The following PTPRM variants were observed in gnomAD, a reference collection of about 807,000 sequenced individuals.
PTPRM encodes receptor-type tyrosine-protein phosphatase mu.
In PTPRM, 47 loss-of-function variants were observed where a neutral mutation model predicts 186.7. That is an observed-to-expected ratio of 0.25 (90% confidence interval 0.20 to 0.32). The LOEUF (loss-of-function observed/expected upper bound fraction) is 0.32, where lower values mean the gene tolerates loss of function less well. PTPRM is among the 10% of genes least tolerant of loss of function. PTPRM has a pLI of 1.00. For synonymous variants in PTPRM, 668 were observed against 674.9 expected (o/e 0.99, Z 0.16); for missense variants, 1,494 against 1,865.0 (o/e 0.80, Z 3.66).
In PTPRM at chr18:8,357,085, C is replaced by T. The variant is rs77156319; in HGVS notation, c.3054+13565C>T. ...TCTGAATACCACCAACAGCAGAAAACGATTGAGTGTGGATTGTTAAAGGGG... is the reference window on the plus strand; with the variant it reads ...TCTGAATACCACCAACAGCAGAAAATGATTGAGTGTGGATTGTTAAAGGGG... On this transcript the variant is annotated intron_variant, in intron 23 of 32. Transcript: ENST00000580170. Among the ~76,000 whole-genome samples, 640 of 152,252 alleles carry T rather than the reference C, an allele frequency of 4.2e-3. 2 individuals carry two copies. Among genetic ancestry groups the T allele is most frequent in the African/African-American group, 0.014 (592 of 41,522 alleles).
intron 23 of PTPRM, among the ~76,000 whole-genome samples, chr18:8,366,625 A>G (rs903362101): frequency 2.0e-5 from 3 of 152,204 alleles, no homozygotes; most frequent in South Asian, 2.1e-4. Flanking sequence ...TCCTGGAGTT[A>G]TAGCGTTTCT....
chr18:8,379,374 T>G, intron 28 of PTPRM, 34 bp downstream of exon 28: 1 of 1,551,356 alleles, frequency 6.4e-7, no homozygotes, highest in Non-Finnish European at 8.7e-7. Context: ...GGTCCGAGGC[T>G]GGGGTGTTTG....
intron 7 of PTPRM, among the ~76,000 whole-genome samples, chr18:8,011,226 C>A (rs2084507668): frequency 6.6e-6 from 1 of 152,108 alleles, no homozygotes. Flanking sequence ...AAGGTATACT[C>A]AGGTTAGAGG....
rs553021673 is a variant in PTPRM, at chr18:8,172,168, A to G, written c.2300+28389A>G. On this transcript the variant is annotated intron_variant, in intron 14 of 32. Transcript: ENST00000580170. ...AGAGGTTTAATGGACTCACAGTTCT[A>G]CGTGGCTGGGGAGGCCTCACAATTA... is the stretch of plus-strand genomic sequence containing the variant. Among the ~76,000 whole-genome samples the G allele has an allele frequency of 2.0e-5, 3 of 152,206 alleles. No homozygotes were observed. In the South Asian group the frequency reaches 6.2e-4, roughly 32 times the overall value.
intron 3 of PTPRM, among the ~76,000 whole-genome samples, chr18:7,906,300 C>T (rs2049979075): frequency 6.6e-6 from 1 of 152,162 alleles, no homozygotes; most frequent in Admixed American, 6.5e-5. Context: ...AACGCATTCA[C>T]TACCTATTGA....
At chr18:7,992,254 T>C (rs2083304592) in intron 7 of PTPRM, among the ~76,000 whole-genome samples, 1 of 152,162 alleles carries the variant, frequency 6.6e-6, no homozygotes, top group Non-Finnish European at 1.5e-5. Context: ...TGTAATTTTT[T>C]TTTGAACTAT....
intron 2 of PTPRM, among the ~76,000 whole-genome samples, chr18:7,792,440 C>G (rs28580069): frequency 6.6e-6 from 1 of 152,032 alleles, no homozygotes; most frequent in African/African-American, 2.4e-5. Flanking sequence ...TATTCAGTGC[C>G]GGGTGGTTTT....
intron 19 of PTPRM, among the ~76,000 whole-genome samples, chr18:8,260,031 C>T (rs1190465502): frequency 1.3e-5 from 2 of 152,060 alleles, no homozygotes; most frequent in East Asian, 3.9e-4. Flanking sequence ...ATACCTGGGG[C>T]TCGGTCATTT....
chr18:8,280,494 C>A (rs988511443), intron 19 of PTPRM, among the ~76,000 whole-genome samples: 1 of 152,030 alleles, frequency 6.6e-6, no homozygotes, highest in African/African-American at 2.4e-5. Flanking sequence ...CAATTTGAGA[C>A]CCGACCAAGG....
chr18:8,017,582 CAAAA>C (rs71354586), intron 7 of PTPRM, among the ~76,000 whole-genome samples: 34 of 64,714 alleles, frequency 5.3e-4, no homozygotes, highest in African/African-American at 1.8e-3. Flanking sequence ...GACTCCTTCT[CAAAA>C]AAAAAAAAAA....
At chr18:8,384,487 A>T (rs1017703225) in intron 29 of PTPRM, 74 bp from the exon 30 acceptor site, 2 of 1,552,076 alleles carry the variant, frequency 1.3e-6, no homozygotes, top group African/African-American at 2.7e-5. Flanking sequence ...GAGTGTCAAT[A>T]CTAACCTTAT....
intron 1 of PTPRM, among the ~76,000 whole-genome samples, chr18:7,728,952 TTC>T (rs1336669408): frequency 6.6e-6 from 1 of 151,388 alleles, no homozygotes; most frequent in Non-Finnish European, 1.5e-5. Flanking sequence ...GAGATGCAGT[TTC>T]TCTCTATTGT....
intron 1 of PTPRM, among the ~76,000 whole-genome samples, chr18:7,726,072 C>T (rs1166338459): frequency 2.6e-5 from 4 of 152,166 alleles, no homozygotes; most frequent in Non-Finnish European, 5.9e-5. Flanking sequence ...CCAGCTCCTG[C>T]ACCTGTTCAC....
chr18:8,118,151 T>C (rs2092026856), intron 13 of PTPRM, among the ~76,000 whole-genome samples: 1 of 152,246 alleles, frequency 6.6e-6, no homozygotes, highest in Non-Finnish European at 1.5e-5. Context: ...CTATTCATTC[T>C]AATTGATGTA....
At chr18:8,150,164 G>T (rs1458463175) in intron 14 of PTPRM, among the ~76,000 whole-genome samples, 1 of 152,076 alleles carries the variant, frequency 6.6e-6, no homozygotes, top group African/African-American at 2.4e-5. Flanking sequence ...GGTGTTCTCT[G>T]TATTTCCTGA....
At chr18:7,652,636 A>G (rs1468431342) in intron 1 of PTPRM, among the ~76,000 whole-genome samples, 1 of 151,580 alleles carries the variant, frequency 6.6e-6, no homozygotes, top group Non-Finnish European at 1.5e-5. Context: ...CATCATTCTC[A>G]GTAAACTATC....
At chr18:8,204,550 T>C (rs2093900027) in intron 14 of PTPRM, among the ~76,000 whole-genome samples, 1 of 151,940 alleles carries the variant, frequency 6.6e-6, no homozygotes, top group Non-Finnish European at 1.5e-5. Flanking sequence ...GGGGAGAAAC[T>C]GATTCCACCT....
chr18:7,734,349 C>T (rs1243430428), intron 1 of PTPRM, among the ~76,000 whole-genome samples: 1 of 152,162 alleles, frequency 6.6e-6, no homozygotes, highest in Non-Finnish European at 1.5e-5. Context: ...AGGCAGGCAC[C>T]TGTAATCTGT....
Position 7,567,499 on chromosome 18 carries a change from AG to A in PTPRM, c.-316del. 4.4e-6 allele frequency: 1 copy of A among 229,214 alleles called. No individual in the cohort carries two copies. Among genetic ancestry groups the A allele is most frequent in the Non-Finnish European group, 8.4e-6 (1 of 119,734 alleles). The allele number at this position is 229,214 out of a possible 1,614,324, so 14.2% of individuals were successfully genotyped here. ...CGGGTCCCGGGTCCCGGGCAGGGGAAGGGGAGAGGCGGCGAGCTCAGCAACC... is the reference window on the plus strand; with the variant it reads ...CGGGTCCCGGGTCCCGGGCAGGGGAAGGGAGAGGCGGCGAGCTCAGCAACC... On this transcript the variant is annotated 5_prime_UTR_variant, in exon 1 of 33. Coordinates refer to ENST00000580170, the MANE Select transcript of PTPRM (RefSeq NM_001105244.2). The surrounding 1 kb of genome is among the most constrained non-coding windows in gnomAD (Gnocchi z 4.3).
Sources: gnomAD v4.1 joint callset for allele counts (sites outside exome capture counted in the v4.1 genomes callset) on GRCh38, gnomAD v4.1.1 for gene constraint, Gnocchi (gnomAD v3.1) non-coding constraint, MANE v1.5 for transcripts, NCBI Gene and HGNC (gene_info 2026-07-23, HGNC 2026-07-21) for gene names.